MGAT5: variants seen among roughly 807,000 people sequenced by gnomAD.
The protein encoded by MGAT5 is alpha-1,6-mannosylglycoprotein 6-beta-N-acetylglucosaminyltransferase A.
In MGAT5, 30 loss-of-function variants were observed where a neutral mutation model predicts 94.3. The ratio of observed to expected loss-of-function variants is 0.32; its 90% confidence interval spans 0.24 to 0.43. MGAT5 has a LOEUF of 0.43. Ranked by LOEUF, MGAT5 falls within the 20% of genes least tolerant of loss-of-function variation. The pLI is 1.00. For synonymous variants in MGAT5, 310 were observed against 322.9 expected, an observed-to-expected ratio of 0.96 and a Z score of 0.43; for missense variants, 691 against 905.5, an observed-to-expected ratio of 0.76 and a Z score of 3.04.
chr2:134,214,247 C>G (rs1388962852), intron 1 of MGAT5, among the ~76,000 whole-genome samples: 2 of 151,436 alleles, frequency 1.3e-5, no homozygotes, highest in Non-Finnish European at 2.9e-5. Context: ...GCTAGCTTGT[C>G]CAACCCATGG....
intron 2 of MGAT5, among the ~76,000 whole-genome samples, chr2:134,294,739 TTATAAG>T (rs968727354): frequency 1.3e-5 from 2 of 152,238 alleles, no homozygotes; most frequent in East Asian, 1.9e-4. Flanking sequence ...AAATATTTGC[TTATAAG>T]TATGTTTATA....
rs747167679 is a variant in MGAT5 at position 134,254,433 on chromosome 2, C to A, written c.30C>A (p.Ser10=). 2.5e-6 allele frequency: 4 copies of A among 1,614,206 alleles called. No individual in the cohort carries two copies. In the Admixed American group the frequency reaches 6.7e-5, roughly 27 times the overall value. ...CTCTCTTCACTCCGTGGAAGTTGTC[C>A]TCTCAGAAGCTGGGCTTTTTCCTGG... The part of the protein sequence containing the change: MALFTPWKL[S]SQKLGFFLVT... Residue 10 remains serine, a synonymous_variant, in exon 1 of 16, where the codon TCC becomes TCA. Transcript: ENST00000281923.
At chr2:134,379,464 C>G (rs557448170) in intron 10 of MGAT5, among the ~76,000 whole-genome samples, 1 of 152,200 alleles carries the variant, frequency 6.6e-6, no homozygotes, top group Non-Finnish European at 1.5e-5. Flanking sequence ...CTGTAACTTC[C>G]AATGGCTTCC....
rs1182979623 is a variant in MGAT5 at position 134,449,486 on chromosome 2, C to T, written c.*639C>T. The T allele has an allele frequency of 1.3e-5, 2 of 153,968 alleles. No homozygotes were observed. Among genetic ancestry groups the T allele is most frequent in the Admixed American group, 6.4e-5 (1 of 15,564 alleles). 9.5% of individuals were successfully genotyped at this position (153,968 alleles called of 1,614,324 possible). ...TTTGCTTTGGAAGCACAGCCAAACT[C>T]CCCAGGGCATCGTCATAGATGGCAC... On this transcript the variant is annotated 3_prime_UTR_variant, in exon 16 of 16. Coordinates refer to ENST00000281923, the MANE Select transcript of MGAT5 (RefSeq NM_002410.5).
rs1297892246 is a variant in MGAT5, at chr2:134,327,823, C to T, written c.574-8394C>T. Among the ~76,000 whole-genome samples, 6 of 152,044 alleles carry T rather than the reference C, an allele frequency of 3.9e-5. No individual in the cohort carries two copies. The East Asian group carries it at 1.2e-3, about 29-fold the overall frequency. On this transcript the variant is annotated intron_variant, in intron 4 of 15. Transcript: ENST00000281923. ...TGTATTAGAAGGCACAGCTTTCTTG[C>T]CCATTTTTTATTTTCATTGTCACTT...
chr2:134,301,874 G>A (rs2105825779), intron 2 of MGAT5, among the ~76,000 whole-genome samples: 1 of 152,296 alleles, frequency 6.6e-6, no homozygotes, highest in East Asian at 1.9e-4. Flanking sequence ...TTGGAGTATG[G>A]ATATTCCTGC....
chr2:134,302,921 CTT>C (rs1686112470), intron 2 of MGAT5, among the ~76,000 whole-genome samples: 1 of 152,046 alleles, frequency 6.6e-6, no homozygotes, highest in Non-Finnish European at 1.5e-5. Context: ...ATGTGATTGT[CTT>C]TATCTTGTGG....
At chr2:134,155,289 C>G (rs1176390472) in intron 1 of MGAT5, among the ~76,000 whole-genome samples, 1 of 152,214 alleles carries the variant, frequency 6.6e-6, no homozygotes, top group African/African-American at 2.4e-5. Context: ...ACTTCCCTGT[C>G]TGCACGGCAT....
intron 2 of MGAT5, among the ~76,000 whole-genome samples, chr2:134,288,413 C>T (rs1558762653): frequency 6.6e-6 from 1 of 151,974 alleles, no homozygotes; most frequent in Non-Finnish European, 1.5e-5. Flanking sequence ...GATGTGTTGC[C>T]GTGTTGCCTG....
intron 1 of MGAT5, among the ~76,000 whole-genome samples, chr2:134,246,225 C>A (rs1423295957): frequency 6.7e-6 from 1 of 149,046 alleles, no homozygotes; most frequent in Non-Finnish European, 1.5e-5. Context: ...TCTGTTCATA[C>A]CTATTTCTTG....
intron 4 of MGAT5, among the ~76,000 whole-genome samples, chr2:134,327,931 T>C (rs1242260323): frequency 1.3e-5 from 2 of 152,166 alleles, no homozygotes; most frequent in Admixed American, 6.6e-5. Flanking sequence ...TGAGTGACTT[T>C]AGTTGTCAAA....
chr2:134,128,791 G>A (rs1166078025), intron 1 of MGAT5, among the ~76,000 whole-genome samples: 1 of 152,114 alleles, frequency 6.6e-6, no homozygotes, highest in Non-Finnish European at 1.5e-5. Flanking sequence ...AGCTGGTCTC[G>A]AAGTCCTGGC....
intron 1 of MGAT5, among the ~76,000 whole-genome samples, chr2:134,222,279 A>G (rs998970762): frequency 9.6e-6 from 1 of 104,606 alleles, no homozygotes; most frequent in Non-Finnish European, 2.0e-5. Context: ...TATCATAAAG[A>G]TAGTGAAGAT....
At chr2:134,362,745 G>A (rs1331403123) in intron 10 of MGAT5, among the ~76,000 whole-genome samples, 2 of 152,232 alleles carry the variant, frequency 1.3e-5, no homozygotes, top group African/African-American at 2.4e-5. Flanking sequence ...ATACTGCACA[G>A]GGAGAAACTT....
At chr2:134,217,455 A>G (rs1254364718) in intron 1 of MGAT5, among the ~76,000 whole-genome samples, 1 of 152,172 alleles carries the variant, frequency 6.6e-6, no homozygotes, top group Non-Finnish European at 1.5e-5. Context: ...GCTAGACCAG[A>G]GTTACCTGAG....
At chr2:134,135,451 T>C (rs1386484004) in intron 1 of MGAT5, among the ~76,000 whole-genome samples, 1 of 152,054 alleles carries the variant, frequency 6.6e-6, no homozygotes, top group African/African-American at 2.4e-5. Context: ...CCCAGCACTT[T>C]GGGAGGCAGA....
chr2:134,131,455 C>T (rs1686160329), intron 1 of MGAT5, among the ~76,000 whole-genome samples: 1 of 151,744 alleles, frequency 6.6e-6, no homozygotes, highest in Admixed American at 6.6e-5. Flanking sequence ...GCCTTACAAG[C>T]GATAAGGCAA....
chr2:134,140,634 C>T (rs1249729468), intron 1 of MGAT5, among the ~76,000 whole-genome samples: 1 of 152,214 alleles, frequency 6.6e-6, no homozygotes, highest in Admixed American at 6.5e-5. Context: ...GTGCCCACAT[C>T]CAGGGTGGGG....
intron 14 of MGAT5, among the ~76,000 whole-genome samples, chr2:134,439,724 T>TA (rs374099409): frequency 3.5e-4 from 51 of 147,516 alleles, no homozygotes; most frequent in Admixed American, 2.2e-3. Context: ...AGCACAAGGT[T>TA]AAAAAAAAAA....
Sources: allele counts gnomAD v4.1 joint callset (sites outside exome capture counted in the v4.1 genomes callset), GRCh38; gene constraint gnomAD v4.1.1; transcripts MANE v1.5; gene names NCBI Gene and HGNC (gene_info 2026-07-23, HGNC 2026-07-21).